The following DLGAP2 variants were observed in gnomAD, a reference collection of about 807,000 sequenced individuals.
The protein encoded by DLGAP2 is disks large-associated protein 2.
Under a neutral mutation model 100.3 loss-of-function variants are expected in DLGAP2, and 26 were observed. That is an observed-to-expected ratio of 0.26 (90% CI 0.19 to 0.36). The LOEUF is 0.36. Ranked by LOEUF, DLGAP2 falls within the 10% of genes least tolerant of loss-of-function variation. DLGAP2 has a pLI of 1.00. For missense variants in DLGAP2, 1,858 were observed against 1,453.2 expected (o/e 1.28, Z -4.53); for synonymous variants, 886 against 630.1 (o/e 1.41, Z -6.08).
chr8:820,261 A>C (rs1796559399), intron 1 of DLGAP2, among the ~76,000 whole-genome samples: 1 of 152,228 alleles, frequency 6.6e-6, no homozygotes, highest in Non-Finnish European at 1.5e-5. Context: ...CTAACAGAAA[A>C]TTTAGTACAA....
intron 3 of DLGAP2, among the ~76,000 whole-genome samples, chr8:1,492,583 C>T (rs1364705573): frequency 1.3e-5 from 2 of 152,172 alleles, no homozygotes; most frequent in Non-Finnish European, 2.9e-5. Context: ...ACTGCGCCTG[C>T]GCGGTGACTC....
chr8:1,442,342 T>C (rs1242535376), intron 3 of DLGAP2, among the ~76,000 whole-genome samples: 1 of 141,646 alleles, frequency 7.1e-6, no homozygotes, highest in African/African-American at 2.7e-5. Flanking sequence ...GGGAGATGGA[T>C]CCAGGCATAG....
intron 2 of DLGAP2, among the ~76,000 whole-genome samples, chr8:1,132,796 A>G (rs533714957): frequency 3.9e-5 from 6 of 152,230 alleles, no homozygotes; most frequent in Non-Finnish European, 5.9e-5. Flanking sequence ...CATTGGTTTA[A>G]GCTTAGAAGG....
chr8:1,017,482 A>G (rs1403377792), intron 2 of DLGAP2, among the ~76,000 whole-genome samples: 1 of 82,016 alleles, frequency 1.2e-5, no homozygotes, highest in African/African-American at 6.9e-5. Flanking sequence ...TGACCAGGAC[A>G]GACGGCGCCT....
chr8:1,434,558 G>C (rs191541040), intron 3 of DLGAP2, among the ~76,000 whole-genome samples: 131 of 152,202 alleles, frequency 8.6e-4, no homozygotes, highest in African/African-American at 2.9e-3. Flanking sequence ...CTCACTGCAG[G>C]CTCAACCTCC....
rs560360432 is a variant in DLGAP2 at position 1,072,052 on chromosome 8, G to C, written c.73+164086G>C. Among the ~76,000 whole-genome samples the C allele has an allele frequency of 7.2e-5, 11 of 152,350 alleles. No individual in the cohort carries two copies. The South Asian group carries it at 2.1e-3, about 29-fold the overall frequency. The stretch of plus-strand genomic sequence containing the variant: ...ATGGCTGCAGACACCACTCGGATCA[G>C]GGAGTGGATGATCTTTGGCTCCGTC... On this transcript the variant is annotated intron_variant, in intron 2 of 14. Transcript: ENST00000637795.
intron 1 of DLGAP2, among the ~76,000 whole-genome samples, chr8:806,598 A>G (rs1183620713): frequency 6.6e-6 from 1 of 152,168 alleles, no homozygotes; most frequent in African/African-American, 2.4e-5. Flanking sequence ...TGTACCCGGA[A>G]CAGGCTTCCT....
At chr8:1,348,491 CAG>C (rs2117099790) in intron 3 of DLGAP2, among the ~76,000 whole-genome samples, 1 of 26,820 alleles carries the variant, frequency 3.7e-5, no homozygotes, top group Admixed American at 4.8e-4. Flanking sequence ...AGTTCCCATA[CAG>C]AGCTACATTG....
intron 3 of DLGAP2, among the ~76,000 whole-genome samples, chr8:1,444,240 T>G (rs548272850): frequency 3.3e-4 from 50 of 152,318 alleles, no homozygotes; most frequent in African/African-American, 1.2e-3. Context: ...CATGAGTCAC[T>G]GCACCCGTCT....
At chr8:1,433,738 C>CTTTTTTTTTTTTTTTTTTTTTT (rs3052055) in intron 3 of DLGAP2, among the ~76,000 whole-genome samples, 1 of 124,218 alleles carries the variant, frequency 8.1e-6, no homozygotes, top group Non-Finnish European at 1.6e-5. Flanking sequence ...GCAAAACTGG[C>CTTTTTTTTTTTTTTTTTTTTTT]TTTTTTTTTT....
chr8:876,963 G>A (rs183646988), intron 1 of DLGAP2, among the ~76,000 whole-genome samples: 18 of 150,532 alleles, frequency 1.2e-4, no homozygotes, highest in Admixed American at 9.9e-4. Flanking sequence ...TTCCAACAGC[G>A]GAATTTCCAT....
intron 2 of DLGAP2, among the ~76,000 whole-genome samples, chr8:1,039,941 TCAGTTTCCG>T: frequency 3.4e-5 from 5 of 148,110 alleles, no homozygotes; most frequent in African/African-American, 1.3e-4. Context: ...CATGGTCGGC[TCAGTTTCCG>T]TGGTCAGCTC....
At chr8:922,120 A>G (rs1798728117) in intron 2 of DLGAP2, among the ~76,000 whole-genome samples, 1 of 152,154 alleles carries the variant, frequency 6.6e-6, no homozygotes, top group Non-Finnish European at 1.5e-5. Flanking sequence ...GCAAATGACG[A>G]TCTGTCCTTG....
chr8:1,409,007 A>G (rs905149615), intron 3 of DLGAP2, among the ~76,000 whole-genome samples: 2 of 152,216 alleles, frequency 1.3e-5, no homozygotes, highest in East Asian at 1.9e-4. Flanking sequence ...AAATCCACCT[A>G]TGAAAAAGAC....
intron 12 of DLGAP2, among the ~76,000 whole-genome samples, chr8:1,685,255 G>A (rs116895093): frequency 5.9e-5 from 9 of 152,360 alleles, no homozygotes; most frequent in Admixed American, 5.2e-4. Context: ...TGCAGGGCAC[G>A]AGGATGACAT....
At chr8:1,445,092 T>A (rs1797948059) in intron 3 of DLGAP2, among the ~76,000 whole-genome samples, 1 of 150,848 alleles carries the variant, frequency 6.6e-6, no homozygotes, top group African/African-American at 2.4e-5. Context: ...TTTTTTTTTT[T>A]TAATTATTAT....
chr8:1,474,497 C>T (rs1409528137), intron 3 of DLGAP2, among the ~76,000 whole-genome samples: 1 of 152,186 alleles, frequency 6.6e-6, no homozygotes, highest in Non-Finnish European at 1.5e-5. Context: ...TTCCCACCAG[C>T]AGTGCAGAAG....
chr8:1,308,046 G>C (rs182165911), intron 3 of DLGAP2, among the ~76,000 whole-genome samples: 5 of 152,128 alleles, frequency 3.3e-5, no homozygotes, highest in South Asian at 2.1e-4. Flanking sequence ...CATGTACATG[G>C]GGGAACGCAC....
At chr8:998,794 T>C (rs1800859695) in intron 2 of DLGAP2, among the ~76,000 whole-genome samples, 1 of 152,210 alleles carries the variant, frequency 6.6e-6, no homozygotes, top group Non-Finnish European at 1.5e-5. Flanking sequence ...GGAGCTTGAA[T>C]ATACTGTTTC....
Sources: allele counts gnomAD v4.1 joint callset (sites outside exome capture counted in the v4.1 genomes callset), GRCh38; gene constraint gnomAD v4.1.1; transcripts MANE v1.5; gene names NCBI Gene and HGNC (gene_info 2026-07-23, HGNC 2026-07-21).